The following NFATC1 variants were observed in gnomAD, a reference collection of about 807,000 sequenced individuals.
The protein encoded by NFATC1 is nuclear factor of activated T-cells, cytoplasmic 1.
In NFATC1, 22 loss-of-function variants were observed where a neutral mutation model predicts 76.0. The observed-to-expected ratio is 0.29, with a 90% CI of 0.21 to 0.41. The LOEUF (loss-of-function observed/expected upper bound fraction) is 0.41. NFATC1 is among the 10% of genes least tolerant of loss of function. The pLI, the probability that NFATC1 is intolerant of heterozygous loss-of-function variation, is 1.00. For missense variants in NFATC1, 1,357 were observed against 1,337.7 expected (o/e 1.01, Z -0.23); for synonymous variants, 704 against 613.1 (o/e 1.15, Z -2.19).
intron 8 of NFATC1, among the ~76,000 whole-genome samples, chr18:79,482,257 G>A (rs529957161): frequency 7.8e-4 from 109 of 138,962 alleles, no homozygotes; most frequent in African/African-American, 2.7e-3. Flanking sequence ...GCGTGACCTC[G>A]TTCCTGGGGT....
intron 1 of NFATC1, among the ~76,000 whole-genome samples, chr18:79,402,782 A>G (rs2085311345): frequency 6.6e-6 from 1 of 152,132 alleles, no homozygotes. Context: ...TATTACCATT[A>G]TTACTGCATT....
chr18:79,417,176 A>G, intron 2 of NFATC1, among the ~76,000 whole-genome samples: 1 of 75,218 alleles, frequency 1.3e-5, no homozygotes, highest in Non-Finnish European at 2.6e-5. Flanking sequence ...GTGGCGGGAG[A>G]TGGGCTGTGG....
chr18:79,482,781 C>G (rs544294080), intron 8 of NFATC1, among the ~76,000 whole-genome samples: 2 of 126,546 alleles, frequency 1.6e-5, no homozygotes, highest in South Asian at 5.2e-4. Context: ...GTAATTCCAG[C>G]GTGACCTGGT....
chr18:79,426,126 C>T (rs886085418), intron 2 of NFATC1, among the ~76,000 whole-genome samples: 2 of 152,136 alleles, frequency 1.3e-5, no homozygotes, highest in African/African-American at 4.8e-5. Context: ...GGGAGGATCC[C>T]GTGAGGCCAC....
intron 9 of NFATC1, 170 bp from the exon 10 acceptor site, chr18:79,527,358 C>A: frequency 1.7e-6 from 1 of 594,936 alleles, no homozygotes; most frequent in Non-Finnish European, 3.0e-6. Context: ...CAGCCAGGCA[C>A]TGGCTCACGA....
chr18:79,397,040 G>GA (rs1475920381), intron 1 of NFATC1, among the ~76,000 whole-genome samples: 6 of 152,170 alleles, frequency 3.9e-5, no homozygotes, highest in African/African-American at 1.2e-4. Flanking sequence ...TCTTTATAGT[G>GA]AAAAAAAGAT....
At chr18:79,522,183 G>A (rs1462707536) in intron 9 of NFATC1, among the ~76,000 whole-genome samples, 1 of 56,798 alleles carries the variant, frequency 1.8e-5, no homozygotes, top group East Asian at 6.8e-4. Context: ...CTGCTGATGC[G>A]TTTTGTGTGT....
At chr18:79,402,316 A>C (rs2085294929) in intron 1 of NFATC1, 4 of 985,342 alleles carry the variant, frequency 4.1e-6, no homozygotes, top group Non-Finnish European at 4.8e-6. Flanking sequence ...CTGGCATCGG[A>C]TATGGGGACC....
chr18:79,420,419 A>G (rs999624982), intron 2 of NFATC1, among the ~76,000 whole-genome samples: 1 of 150,702 alleles, frequency 6.6e-6, no homozygotes, highest in African/African-American at 2.5e-5. Flanking sequence ...GCAGAGGGGA[A>G]GAGGGGGACG....
intron 6 of NFATC1, among the ~76,000 whole-genome samples, chr18:79,456,031 C>T (rs1442818418): frequency 6.6e-6 from 1 of 152,202 alleles, no homozygotes; most frequent in African/African-American, 2.4e-5. Context: ...CCAAGGCTGC[C>T]CTGCCATGGG....
chr18:79,486,075 C>T (rs2089483701), intron 8 of NFATC1, among the ~76,000 whole-genome samples, 173 bp from the exon 9 acceptor site: 1 of 151,094 alleles, frequency 6.6e-6, no homozygotes, highest in African/African-American at 2.5e-5. Context: ...CTGCTACTCT[C>T]TCGGCCGATG....
chr18:79,436,499 GTGCCCCC>G (rs2086781517), intron 3 of NFATC1, among the ~76,000 whole-genome samples: 1 of 152,196 alleles, frequency 6.6e-6, no homozygotes, highest in Admixed American at 6.5e-5. Flanking sequence ...GGGGCACGCT[GTGCCCCC>G]GCGCCCGGTA....
chr18:79,397,233 A>G (rs1384980924), intron 1 of NFATC1, among the ~76,000 whole-genome samples: 1 of 152,232 alleles, frequency 6.6e-6, no homozygotes, highest in Non-Finnish European at 1.5e-5. Context: ...GTTAGGGATT[A>G]GGGATTGCAA....
At position 79,396,102 on chromosome 18, in the gene NFATC1, G is replaced by GC; in HGVS notation, c.-123_-122insC. The GC allele has an allele frequency of 8.7e-7, 1 of 1,154,298 alleles. No homozygotes were observed. Among genetic ancestry groups the GC allele is most frequent in the Non-Finnish European group, 1.1e-6 (1 of 924,780 alleles). The allele number at this position is 1,154,298 out of a possible 1,614,324, so 71.5% of individuals were successfully genotyped here. The stretch of plus-strand genomic sequence containing the variant: ...ACACGCCCCTCGATGACTTTCCTCC[G>GC]GGGCGCGCGGCGCTGAGCCCGGGGC... On this transcript the variant is annotated 5_prime_UTR_variant, in exon 1 of 10. It removes the in-frame stop codon of an upstream open reading frame in the 5' UTR. Transcript: ENST00000427363.
At chr18:79,449,059 G>T (rs974508201) in intron 4 of NFATC1, 75 bp downstream of exon 4, 12 of 1,484,564 alleles carry the variant, frequency 8.1e-6, no homozygotes, top group Admixed American at 5.8e-5. Context: ...GTCCCGGGGG[G>T]TCTGGCCAGC....
chr18:79,517,696 C>T (rs2090417302), intron 9 of NFATC1, among the ~76,000 whole-genome samples: 1 of 152,142 alleles, frequency 6.6e-6, no homozygotes, highest in Non-Finnish European at 1.5e-5. Flanking sequence ...TGTGTCCTTG[C>T]CAAACTGTCT....
intron 8 of NFATC1, among the ~76,000 whole-genome samples, chr18:79,475,405 T>C (rs2144989941): frequency 6.7e-6 from 1 of 150,028 alleles, no homozygotes; most frequent in Non-Finnish European, 1.5e-5. Context: ...GTTCTCACGC[T>C]CACCGTCGAC....
intron 4 of NFATC1, among the ~76,000 whole-genome samples, 183 bp from the exon 5 acceptor site, chr18:79,450,771 A>C (rs1027433773): frequency 1.1e-4 from 17 of 152,222 alleles, no homozygotes; most frequent in Non-Finnish European, 2.5e-4. Flanking sequence ...TCTCTCCTGC[A>C]CTAGGCAAGG....
intron 9 of NFATC1, among the ~76,000 whole-genome samples, chr18:79,492,573 G>A (rs1207905598): frequency 6.6e-6 from 1 of 152,130 alleles, no homozygotes; most frequent in Non-Finnish European, 1.5e-5. Flanking sequence ...GCCGGGAGTG[G>A]TGGCGGGCGC....
Sources: allele counts gnomAD v4.1 joint callset (sites outside exome capture counted in the v4.1 genomes callset), GRCh38; gene constraint gnomAD v4.1.1; transcripts MANE v1.5; gene names NCBI Gene and HGNC (gene_info 2026-07-23, HGNC 2026-07-21).